Variants in MBD5 observed in about 807,000 individuals in gnomAD.
The protein encoded by MBD5 is methyl-CpG-binding domain protein 5.
Under a neutral mutation model 117.3 loss-of-function variants are expected in MBD5, and 13 were observed. That is an observed-to-expected ratio of 0.11 (90% confidence interval 0.07 to 0.18). The LOEUF (loss-of-function observed/expected upper bound fraction) is 0.18. Ranked by LOEUF, MBD5 falls within the 10% of genes least tolerant of loss-of-function variation. The pLI, the probability that MBD5 is intolerant of heterozygous loss-of-function variation, is 1.00. For missense variants in MBD5, 1,879 were observed against 2,093.8 expected, an observed-to-expected ratio of 0.90 and a Z score of 2.00; for synonymous variants, 727 against 766.4, an observed-to-expected ratio of 0.95 and a Z score of 0.85.
intron 1 of MBD5, among the ~76,000 whole-genome samples, chr2:148,032,367 GA>G (rs772801441): frequency 2.6e-5 from 4 of 152,152 alleles, no homozygotes; most frequent in African/African-American, 4.8e-5. Context: ...AGGGCTTTTA[GA>G]AGGAGAATTT....
chr2:148,195,770 T>C (rs533104951), intron 2 of MBD5, among the ~76,000 whole-genome samples: 1 of 152,252 alleles, frequency 6.6e-6, no homozygotes, highest in African/African-American at 2.4e-5. Flanking sequence ...TATTTGGAAA[T>C]TAAACAGCAC....
chr2:148,256,029 C>T (rs745325069), intron 3 of MBD5, among the ~76,000 whole-genome samples: 7 of 152,218 alleles, frequency 4.6e-5, no homozygotes, highest in South Asian at 2.1e-4. Flanking sequence ...GGCCTGTGGC[C>T]GTGTCCACAT....
chr2:148,196,071 A>T (rs1462434187), intron 2 of MBD5: 1 of 152,166 alleles, frequency 6.6e-6, no homozygotes, highest in African/African-American at 2.4e-5. Flanking sequence ...CCTGGCTGTT[A>T]TCTTTGCACA....
intron 2 of MBD5, among the ~76,000 whole-genome samples, chr2:148,212,420 T>C (rs1415878053): frequency 1.3e-5 from 2 of 152,226 alleles, no homozygotes; most frequent in Non-Finnish European, 2.9e-5. Flanking sequence ...TTACTTTTTA[T>C]AGCCAAATAA....
intron 4 of MBD5, among the ~76,000 whole-genome samples, chr2:148,358,696 C>T (rs1254544921): frequency 1.3e-5 from 2 of 150,502 alleles, no homozygotes; most frequent in South Asian, 2.1e-4. Flanking sequence ...AGGAGCGGAT[C>T]GCTTGAGGTG....
chr2:148,336,155 C>G (rs993823745), intron 3 of MBD5, among the ~76,000 whole-genome samples: 2 of 152,172 alleles, frequency 1.3e-5, no homozygotes, highest in African/African-American at 2.4e-5. Flanking sequence ...TCTAACACCC[C>G]TAAGAGCTGG....
chr2:148,110,652 T>A (rs968177205), intron 1 of MBD5, among the ~76,000 whole-genome samples: 6 of 152,082 alleles, frequency 3.9e-5, no homozygotes, highest in Non-Finnish European at 5.9e-5. Context: ...TGTTTTTTTT[T>A]AATATACTTT....
chr2:148,066,186 A>C (rs1049947271), intron 1 of MBD5, among the ~76,000 whole-genome samples: 1 of 152,072 alleles, frequency 6.6e-6, no homozygotes, highest in Non-Finnish European at 1.5e-5. Flanking sequence ...TGCGCCTGTC[A>C]TCGCAGCTAC....
At chr2:148,313,086 C>T (rs192293574) in intron 3 of MBD5, among the ~76,000 whole-genome samples, 5 of 152,218 alleles carry the variant, frequency 3.3e-5, no homozygotes, top group Non-Finnish European at 4.4e-5. Flanking sequence ...GGGTGTCTGT[C>T]GACCCTTGCT....
chr2:148,391,397 G>A (rs748456699), intron 4 of MBD5, among the ~76,000 whole-genome samples: 6 of 151,998 alleles, frequency 3.9e-5, no homozygotes, highest in South Asian at 2.1e-4. Flanking sequence ...TGCTTCACTC[G>A]GACTAAATGA....
At chr2:148,300,899 G>A (rs1025001959) in intron 3 of MBD5, among the ~76,000 whole-genome samples, 31 of 152,190 alleles carry the variant, frequency 2.0e-4, no homozygotes, top group African/African-American at 7.2e-4. Flanking sequence ...TATTATAGTG[G>A]CAACATCTAT....
chr2:148,330,591 G>T (rs986720468), intron 3 of MBD5: 1 of 152,174 alleles, frequency 6.6e-6, no homozygotes, highest in South Asian at 2.1e-4. Flanking sequence ...GAAAAGAGAC[G>T]TGGTTTCAGG....
chr2:148,420,180 C>A (rs1394175154), intron 4 of MBD5, among the ~76,000 whole-genome samples: 1 of 152,116 alleles, frequency 6.6e-6, no homozygotes, highest in Non-Finnish European at 1.5e-5. Context: ...GCTTGTCTCC[C>A]CAGCATTTTG....
Position 148,483,959 on chromosome 2 carries a change from C to A in MBD5, c.3368C>A (p.Ser1123Ter). 1.3e-6 allele frequency: 2 copies of A among 1,550,532 alleles called. No homozygotes were observed. Among genetic ancestry groups the A allele is most frequent in the East Asian group, 2.4e-5 (1 of 40,916 alleles). The change falls in exon 9 of 14, where the codon TCA (serine) becomes TAA (stop). Residue 1123 changes from serine (S) to a stop codon, truncating the protein, a stop_gained. Transcript: ENST00000642680. LOFTEE classifies it high-confidence loss of function. ...SQATTTTTTT[S>*]SAVAALTVST... Reference sequence around the variant, plus strand: ...GCAACCACTACCACAACCACTACATCATCAGCAGTGGCAGCACTGACTGTC... The same window carrying A: ...GCAACCACTACCACAACCACTACATAATCAGCAGTGGCAGCACTGACTGTC...
chr2:148,174,578 A>C (rs1698336786), intron 1 of MBD5, among the ~76,000 whole-genome samples: 1 of 152,100 alleles, frequency 6.6e-6, no homozygotes, highest in South Asian at 2.1e-4. Context: ...AAAATATATA[A>C]GAAGCCGAAA....
At chr2:148,422,589 C>T (rs774349445) in intron 4 of MBD5, among the ~76,000 whole-genome samples, 1 of 152,094 alleles carries the variant, frequency 6.6e-6, no homozygotes, top group Admixed American at 6.6e-5. Context: ...ATGAGTTTGA[C>T]GAATTGACAG....
intron 1 of MBD5, among the ~76,000 whole-genome samples, chr2:148,168,935 A>G (rs1317166914): frequency 6.7e-6 from 1 of 149,592 alleles, no homozygotes; most frequent in Non-Finnish European, 1.5e-5. Flanking sequence ...TAGGATATAT[A>G]TACATATATA....
In MBD5 at chr2:148,021,513, A is replaced by C; in HGVS notation, c.-1096A>C. Reference sequence around the variant, plus strand: ...TGCTGCTGCTACTGCTGCTGCTGCTACTGCTGCTGCTTGGCCCTGGCTGGA... The same window carrying C: ...TGCTGCTGCTACTGCTGCTGCTGCTCCTGCTGCTGCTTGGCCCTGGCTGGA... On this transcript the variant is annotated 5_prime_UTR_variant, in exon 1 of 14. Coordinates refer to ENST00000642680, the MANE Select transcript of MBD5 (RefSeq NM_001378120.1). The C allele has an allele frequency of 1.8e-6, 1 of 567,594 alleles. No homozygotes were observed. Among genetic ancestry groups the C allele is most frequent in the Admixed American group, 2.4e-5 (1 of 42,536 alleles). The allele number at this position is 567,594 out of a possible 1,614,324, so 35.2% of individuals were successfully genotyped here.
intron 4 of MBD5, among the ~76,000 whole-genome samples, chr2:148,379,787 T>C (rs906783566): frequency 6.6e-6 from 1 of 152,084 alleles, no homozygotes; most frequent in African/African-American, 2.4e-5. Context: ...CTAGTAAGAT[T>C]TCCAAGGTAA....
Sources: gnomAD v4.1 joint callset for allele counts (sites outside exome capture counted in the v4.1 genomes callset) on GRCh38, gnomAD v4.1.1 for gene constraint, MANE v1.5 for transcripts, NCBI Gene and HGNC (gene_info 2026-07-23, HGNC 2026-07-21) for gene names.